The following SMARCAL1 variants were observed in gnomAD, a reference collection of about 807,000 sequenced individuals.
The protein encoded by SMARCAL1 is ATP-driven annealing helicase.
A neutral mutation model predicts 94.5 loss-of-function variants in SMARCAL1; 58 were observed. That is an observed-to-expected ratio of 0.61 (90% CI 0.50 to 0.76). The LOEUF (loss-of-function observed/expected upper bound fraction) is 0.76, where lower values mean the gene tolerates loss of function less well. Among genes scored for constraint, SMARCAL1 ranks in the 30% least tolerant of loss-of-function variants. SMARCAL1 has a pLI of 0.00. For missense variants in SMARCAL1, 1,051 were observed against 1,177.9 expected, an observed-to-expected ratio of 0.89 and a Z score of 1.58; for synonymous variants, 422 against 455.1, an observed-to-expected ratio of 0.93 and a Z score of 0.93.
chr2:216,444,352 C>T (rs72948613), intron 10 of SMARCAL1, among the ~76,000 whole-genome samples: 14,644 of 151,300 alleles, frequency 0.097, 874 homozygotes, highest in South Asian at 0.18. Flanking sequence ...TGTTACAGCC[C>T]ATCAGAATAA....
At chr2:216,446,731 C>T in intron 10 of SMARCAL1, 1 of 576,086 alleles carries the variant, frequency 1.7e-6, no homozygotes, top group Non-Finnish European at 3.3e-6. Flanking sequence ...GAATACAGCC[C>T]AGTCCTTGAT....
intron 12 of SMARCAL1, among the ~76,000 whole-genome samples, chr2:216,462,944 C>T (rs902541306): frequency 2.6e-5 from 4 of 152,030 alleles, no homozygotes; most frequent in Admixed American, 2.0e-4. Flanking sequence ...GAGCCATGAT[C>T]GAGTCCAGCC....
In SMARCAL1 at chr2:216,432,766, C is replaced by CCTGGGG. The variant is rs1553526162; in HGVS notation, c.1384_1389dup (p.Leu462_Gly463dup). 3 of 1,614,050 alleles carry CCTGGGG rather than the reference C, an allele frequency of 1.9e-6. No homozygotes were observed. The highest frequency in any genetic ancestry group is 2.5e-6 in the Non-Finnish European group (3 of 1,180,040). ...GCCTGCTGCTCGCTGACGACATGGGCCTGGGGAAGACCATCCAAGCCATCT... is the reference window on the plus strand; with the variant it reads ...GCCTGCTGCTCGCTGACGACATGGGCCTGGGGCTGGGGAAGACCATCCAAGCCATCT... On this transcript the variant is annotated inframe_insertion, in exon 8 of 18. Transcript: ENST00000357276.
chr2:216,460,195 A>G lies in SMARCAL1; in HGVS notation c.2071-4402A>G, dbSNP rs1274131417. Among the ~76,000 whole-genome samples the G allele has an allele frequency of 1.2e-4, 19 of 152,254 alleles. No homozygotes were observed. The East Asian group carries it at 2.5e-3, about 20-fold the overall frequency. ...AAAAAGTCAGGAAACAACAGGTGCTAGAGAGGATGTGGAGAAATAGGAGCA... is the reference window on the plus strand; with the variant it reads ...AAAAAGTCAGGAAACAACAGGTGCTGGAGAGGATGTGGAGAAATAGGAGCA... On this transcript the variant is annotated intron_variant, in intron 12 of 17. Coordinates refer to ENST00000357276, the MANE Select transcript of SMARCAL1 (RefSeq NM_014140.4).
intron 5 of SMARCAL1, 53 bp from the exon 6 acceptor site, chr2:216,423,580 C>A: frequency 1.4e-6 from 2 of 1,416,338 alleles, no homozygotes; most frequent in Non-Finnish European, 2.0e-6. Context: ...AGTGTGATCA[C>A]GTAGCAGAAG....
At chr2:216,468,209 A>C (rs897870248) in intron 14 of SMARCAL1, among the ~76,000 whole-genome samples, 163 bp downstream of exon 14, 3 of 152,224 alleles carry the variant, frequency 2.0e-5, no homozygotes, top group Non-Finnish European at 4.4e-5. Context: ...CAGTGGGGTC[A>C]AAATGTTTCC....
chr2:216,425,773 A>T (rs560449757), intron 6 of SMARCAL1, among the ~76,000 whole-genome samples: 1 of 152,298 alleles, frequency 6.6e-6, no homozygotes, highest in South Asian at 2.1e-4. Context: ...TGGGCTCAGA[A>T]TGGGGGTGTG....
In SMARCAL1 at chr2:216,482,856, C is replaced by G. The variant is rs1350792975; in HGVS notation, c.2744C>G (p.Ser915Cys). Reference protein sequence around the residue: ...SFDPGSASGTSGSSSQNMGDT... With the variant: ...SFDPGSASGTCGSSSQNMGDT... ...GACCCAGGAAGTGCTTCAGGAACAT[C>G]TGGAAGTAGTTCCCAGAACATGGGA... The change falls in exon 18 of 18, where the codon TCT becomes TGT. Residue 915 changes from serine (S) to cysteine (C), a missense_variant. Around this residue, in one of 3 missense-constraint regions of SMARCAL1, gnomAD observed 642 missense variants for 754.7 expected, o/e 0.85. Coordinates refer to ENST00000357276, the MANE Select transcript of SMARCAL1 (RefSeq NM_014140.4). The surrounding 1 kb of genome is among the most constrained non-coding windows in gnomAD (Gnocchi z 4.3). The G allele has an allele frequency of 1.2e-6, 2 of 1,614,082 alleles. No homozygotes were observed. Among genetic ancestry groups the G allele is most frequent in the East Asian group, 4.5e-5 (2 of 44,896 alleles).
chr2:216,481,436 T>TC (rs1449753430), intron 17 of SMARCAL1, among the ~76,000 whole-genome samples: 1 of 151,910 alleles, frequency 6.6e-6, no homozygotes, highest in Non-Finnish European at 1.5e-5. Flanking sequence ...GCTTAGATGA[T>TC]CCCCCCGCCT....
At position 216,452,978 on chromosome 2, in the gene SMARCAL1, G is replaced by A. The variant is rs1694482695; in HGVS notation, c.2070+1914G>A. On this transcript the variant is annotated intron_variant, in intron 12 of 17. Transcript: ENST00000357276. ...GCTATACAAATCCAGTATTTTTGAG[G>A]ATATTTTTATATTTTCTTGCTTAGA... Among the ~76,000 whole-genome samples, 3 of 152,118 alleles carry A rather than the reference G, an allele frequency of 2.0e-5. No homozygotes were observed. The South Asian group carries it at 6.2e-4, about 32-fold the overall frequency.
At chr2:216,452,808 C>G (rs1398430872) in intron 12 of SMARCAL1, among the ~76,000 whole-genome samples, 1 of 152,162 alleles carries the variant, frequency 6.6e-6, no homozygotes, top group African/African-American at 2.4e-5. Context: ...TTGTATAGTT[C>G]TTCAAGTAAA....
intron 10 of SMARCAL1, among the ~76,000 whole-genome samples, chr2:216,441,904 T>C (rs1182076106): frequency 2.0e-5 from 3 of 152,218 alleles, no homozygotes; most frequent in Non-Finnish European, 2.9e-5. Context: ...CTACACTGGC[T>C]TTTATTGTTA....
intron 14 of SMARCAL1, among the ~76,000 whole-genome samples, chr2:216,470,852 A>G (rs1694949768): frequency 6.6e-6 from 1 of 151,096 alleles, no homozygotes; most frequent in Non-Finnish European, 1.5e-5. Flanking sequence ...AAAAAAAAAA[A>G]AAAAAAAAAA....
At chr2:216,463,191 T>C (rs936713535) in intron 12 of SMARCAL1, among the ~76,000 whole-genome samples, 2 of 152,176 alleles carry the variant, frequency 1.3e-5, no homozygotes, top group Non-Finnish European at 2.9e-5. Flanking sequence ...TCACAGATCT[T>C]ACAGAGGCCA....
intron 9 of SMARCAL1, among the ~76,000 whole-genome samples, chr2:216,435,850 G>T (rs974906482): frequency 6.6e-6 from 1 of 152,156 alleles, no homozygotes; most frequent in Admixed American, 6.5e-5. Context: ...GACGGCAAGG[G>T]GGTGTGCCTA....
In SMARCAL1 at chr2:216,435,089, C is replaced by T. The variant is rs536838020; in HGVS notation, c.1486-249C>T. On this transcript the variant is annotated intron_variant, in intron 8 of 17. Coordinates refer to ENST00000357276, the MANE Select transcript of SMARCAL1 (RefSeq NM_014140.4). The stretch of plus-strand genomic sequence containing the variant: ...GTCAGCCTGGTCTCAAACTCCCGAT[C>T]TCAGGTGATCCGCCCTCCTCAGCCT... Among the ~76,000 whole-genome samples, 11 of 152,122 alleles carry T rather than the reference C, an allele frequency of 7.2e-5. No homozygotes were observed. The East Asian group carries it at 1.6e-3, about 21-fold the overall frequency.
intron 12 of SMARCAL1, among the ~76,000 whole-genome samples, chr2:216,463,672 C>T (rs1294880585): frequency 1.3e-5 from 2 of 152,140 alleles, no homozygotes; most frequent in African/African-American, 4.8e-5. Flanking sequence ...ATAAAGAAAA[C>T]ACCGTTTCTT....
intron 10 of SMARCAL1, among the ~76,000 whole-genome samples, chr2:216,442,269 T>A (rs1694214201): frequency 6.6e-6 from 1 of 151,868 alleles, no homozygotes; most frequent in Non-Finnish European, 1.5e-5. Context: ...ATACAAAAAT[T>A]AGCCAGGCAT....
intron 9 of SMARCAL1, among the ~76,000 whole-genome samples, chr2:216,435,830 C>A (rs993809579): frequency 1.1e-4 from 17 of 152,302 alleles, no homozygotes; most frequent in African/African-American, 4.1e-4. Context: ...GCTCTGGGTA[C>A]TACAACCTGG....
Sources: gnomAD v4.1 joint callset for allele counts (sites outside exome capture counted in the v4.1 genomes callset) on GRCh38, gnomAD v4.1.1 for gene constraint, gnomAD v4.1.1 regional missense constraint, Gnocchi (gnomAD v3.1) non-coding constraint, MANE v1.5 for transcripts, NCBI Gene and HGNC (gene_info 2026-07-23, HGNC 2026-07-21) for gene names.